ASTN2: variants seen among roughly 807,000 people sequenced by gnomAD.
ASTN2 encodes the protein astrotactin 2, also known as astrotactin-2.
A neutral mutation model predicts 139.8 loss-of-function variants in ASTN2; 54 were observed. That is an observed-to-expected ratio of 0.39 (90% confidence interval 0.31 to 0.48). The LOEUF (loss-of-function observed/expected upper bound fraction) is 0.48. Ranked by LOEUF, ASTN2 falls within the 20% of genes least tolerant of loss-of-function variation. The pLI is 0.95. For missense variants in ASTN2, 1,565 were observed against 1,725.1 expected (o/e 0.91, Z 1.64); for synonymous variants, 756 against 719.5 (o/e 1.05, Z -0.81).
At chr9:117,409,902 C>A (rs1030677932) in intron 1 of ASTN2, among the ~76,000 whole-genome samples, 3 of 152,216 alleles carry the variant, frequency 2.0e-5, no homozygotes, top group African/African-American at 7.2e-5. Flanking sequence ...CTGACCTGAA[C>A]AAGTTGGCAT....
chr9:117,337,417 T>C (rs1448304201), intron 1 of ASTN2, among the ~76,000 whole-genome samples: 1 of 152,170 alleles, frequency 6.6e-6, no homozygotes, highest in Non-Finnish European at 1.5e-5. Context: ...TCATTTTTAA[T>C]TCTTTATTAT....
intron 19 of ASTN2, among the ~76,000 whole-genome samples, chr9:116,507,080 C>G (rs1170030679): frequency 6.6e-6 from 1 of 152,198 alleles, no homozygotes; most frequent in East Asian, 1.9e-4. Context: ...GCTCTACATA[C>G]ATAATCGCTT....
At chr9:116,901,062 G>A (rs988724370) in intron 10 of ASTN2, among the ~76,000 whole-genome samples, 43 of 151,322 alleles carry the variant, frequency 2.8e-4, no homozygotes, top group African/African-American at 8.3e-4. Context: ...CCTAAATTCC[G>A]ACTCCAAATC....
intron 17 of ASTN2, among the ~76,000 whole-genome samples, chr9:116,635,756 C>T (rs1282359187): frequency 2.0e-5 from 3 of 152,118 alleles, no homozygotes; most frequent in Admixed American, 2.0e-4. Context: ...GAAGCCAAGC[C>T]CAAAAGCCCA....
chr9:117,085,910 A>G (rs549276173), intron 5 of ASTN2, among the ~76,000 whole-genome samples: 1 of 152,344 alleles, frequency 6.6e-6, no homozygotes, highest in East Asian at 1.9e-4. Context: ...CAAATAGCTT[A>G]AATACAAATT....
intron 6 of ASTN2, among the ~76,000 whole-genome samples, chr9:117,017,958 TA>T (rs10649974): frequency 1.8e-3 from 254 of 142,460 alleles, no homozygotes; most frequent in African/African-American, 3.0e-3. Context: ...TCAGTCTCAT[TA>T]AAAAAAAAAA....
At chr9:116,720,869 C>G (rs1203800845) in intron 16 of ASTN2, among the ~76,000 whole-genome samples, 1 of 152,192 alleles carries the variant, frequency 6.6e-6, no homozygotes, top group Admixed American at 6.5e-5. Flanking sequence ...TGGCTCCAAG[C>G]CTGTAGCTAA....
chr9:117,077,080 C>A (rs1828301505), intron 5 of ASTN2, among the ~76,000 whole-genome samples: 1 of 152,046 alleles, frequency 6.6e-6, no homozygotes, highest in Non-Finnish European at 1.5e-5. Context: ...CCGTTTGTTA[C>A]CAGGCAGCCC....
intron 13 of ASTN2, among the ~76,000 whole-genome samples, chr9:116,754,901 T>C (rs560455467): frequency 6.6e-6 from 1 of 152,340 alleles, no homozygotes; most frequent in Admixed American, 6.5e-5. Flanking sequence ...CTTCCCTTGC[T>C]ATTCCTGTAA....
intron 5 of ASTN2, among the ~76,000 whole-genome samples, chr9:117,074,820 T>C (rs879001892): frequency 3.9e-5 from 6 of 152,206 alleles, no homozygotes; most frequent in Admixed American, 3.9e-4. Flanking sequence ...TATTTATGTA[T>C]ATGCATAGGA....
rs571736413 is a variant in ASTN2 at position 117,338,802 on chromosome 9, C to T, written c.443-47289G>A. On this transcript the variant is annotated intron_variant, in intron 1 of 22. Coordinates refer to ENST00000313400, the MANE Select transcript of ASTN2 (RefSeq NM_001365068.1). ...TAGCAAAAAAATGCAATAACTTTTG[C>T]ACCAACCTAATATCTTAACTTTCAG... Among the ~76,000 whole-genome samples the T allele has an allele frequency of 3.3e-5, 5 of 151,818 alleles. No individual in the cohort carries two copies. The South Asian group carries it at 6.2e-4, about 19-fold the overall frequency.
intron 5 of ASTN2, among the ~76,000 whole-genome samples, chr9:117,064,442 T>C (rs919221226): frequency 6.6e-6 from 1 of 152,198 alleles, no homozygotes; most frequent in Non-Finnish European, 1.5e-5. Flanking sequence ...AGAGAAGGGA[T>C]GACCCAACAT....
chr9:116,942,338 C>G (rs1248203176), intron 10 of ASTN2, among the ~76,000 whole-genome samples: 1 of 152,148 alleles, frequency 6.6e-6, no homozygotes, highest in African/African-American at 2.4e-5. Context: ...AGACGTGGCC[C>G]TCTTCTCTGA....
chr9:116,459,632 GCTAATAAGCACATGAAAATATGCTTGA>G (rs1390042511), intron 20 of ASTN2, among the ~76,000 whole-genome samples: 10 of 152,016 alleles, frequency 6.6e-5, no homozygotes, highest in Non-Finnish European at 1.2e-4. Context: ...CATTCAAATG[GCTAATAAGCACATGAAAATATGCTTGA>G]CATCATGTTA....
chr9:116,579,848 G>A (rs62576115), intron 19 of ASTN2, among the ~76,000 whole-genome samples: 21,685 of 151,990 alleles, frequency 0.14, 1,671 homozygotes, highest in Middle Eastern at 0.19. Context: ...TTTTTGAAGA[G>A]TCTTGCTCTG....
intron 2 of ASTN2, among the ~76,000 whole-genome samples, chr9:117,273,452 G>A (rs1327577555): frequency 6.6e-6 from 1 of 152,216 alleles, no homozygotes; most frequent in Non-Finnish European, 1.5e-5. Flanking sequence ...GTTAACAACA[G>A]CCTTCTCAAT....
chr9:117,120,192 T>A (rs1829520352), intron 4 of ASTN2, among the ~76,000 whole-genome samples: 2 of 151,418 alleles, frequency 1.3e-5, no homozygotes, highest in South Asian at 4.2e-4. Flanking sequence ...CTTTGTCATA[T>A]CTCTTAGTGA....
chr9:117,205,262 G>GAGATAAAT (rs35344474), intron 3 of ASTN2, among the ~76,000 whole-genome samples: 54,533 of 151,668 alleles, frequency 0.36, 9,825 homozygotes, highest in East Asian at 0.43. Context: ...ATTACAGCTG[G>GAGATAAAT]ATTTGAGAGA....
At chr9:116,724,329 C>A (rs1212925194) in intron 16 of ASTN2, among the ~76,000 whole-genome samples, 1 of 152,148 alleles carries the variant, frequency 6.6e-6, no homozygotes, top group Admixed American at 6.5e-5. Context: ...TATTCCCAGA[C>A]AACTCAATTA....
Sources: gnomAD v4.1 joint callset for allele counts (sites outside exome capture counted in the v4.1 genomes callset) on GRCh38, gnomAD v4.1.1 for gene constraint, MANE v1.5 for transcripts, NCBI Gene and HGNC (gene_info 2026-07-23, HGNC 2026-07-21) for gene names.